COL16A1: variants seen among roughly 807,000 people sequenced by gnomAD.
COL16A1 encodes collagen type XVI alpha 1 chain.
A neutral mutation model predicts 266.3 loss-of-function variants in COL16A1; 189 were observed. That is an observed-to-expected ratio of 0.71 (90% CI 0.63 to 0.80). COL16A1 has a LOEUF of 0.80. Ranked by LOEUF, COL16A1 falls within the 30% of genes least tolerant of loss-of-function variation. COL16A1 has a pLI of 0.00. For synonymous variants in COL16A1, 740 were observed against 782.3 expected (o/e 0.95, Z 0.90); for missense variants, 1,928 against 2,122.4 (o/e 0.91, Z 1.80).
intron 37 of COL16A1, 62 bp from the exon 38 acceptor site, chr1:31,681,129 C>T (rs1643609740): frequency 1.3e-6 from 2 of 1,550,624 alleles, no homozygotes; most frequent in Admixed American, 4.1e-5. Flanking sequence ...ATCTGGCCTG[C>T]TGCAGAAAAG....
intron 51 of COL16A1, 107 bp from the exon 52 acceptor site, chr1:31,667,735 G>A (rs1414411547): frequency 1.7e-5 from 19 of 1,113,832 alleles, no homozygotes; most frequent in Non-Finnish European, 2.4e-5. Flanking sequence ...GGCTCTGGGG[G>A]AATGGCACTG....
At chr1:31,696,323 TC>T (rs796574625) in intron 8 of COL16A1, among the ~76,000 whole-genome samples, 182 bp from the exon 9 acceptor site, 15 of 136,594 alleles carry the variant, frequency 1.1e-4, no homozygotes, top group African/African-American at 2.5e-4. Context: ...TCCCCCTCCT[TC>T]CCCCCCCACC....
At chr1:31,659,232 G>A (rs60694879) in intron 62 of COL16A1, among the ~76,000 whole-genome samples, 22,997 of 152,212 alleles carry the variant, frequency 0.15, 2,990 homozygotes, top group African/African-American at 0.36. Context: ...TCTGAAAGCC[G>A]TGGCCAGAGG....
rs1642119755 is a variant in COL16A1 at position 31,666,101 on chromosome 1, G to A, written c.3358-20C>T. On this transcript the variant is annotated intron_variant, in intron 52 of 70. Transcript: ENST00000373672. ...GGGGCCCTAAGGATACAAAGGAACA[G>A]AATCAGTCACTCCTCCTGGGGAGGT... 1 of 1,605,880 alleles carries A rather than the reference G, an allele frequency of 6.2e-7. No individual in the cohort carries two copies. Among genetic ancestry groups the A allele is most frequent in the Non-Finnish European group, 8.5e-7 (1 of 1,177,888 alleles).
intron 42 of COL16A1, among the ~76,000 whole-genome samples, chr1:31,678,496 C>T (rs1292282552): frequency 1.3e-5 from 2 of 152,226 alleles, no homozygotes; most frequent in African/African-American, 4.8e-5. Context: ...AGACAAGATA[C>T]TCCATCGCTC....
In COL16A1 at chr1:31,668,519, T is replaced by G. The variant is rs1032027863; in HGVS notation, c.3249+283A>C. Among the ~76,000 whole-genome samples, 4 of 151,606 alleles carry G rather than the reference T, an allele frequency of 2.6e-5. No homozygotes were observed. The highest frequency in any genetic ancestry group is 9.7e-5 in the African/African-American group (4 of 41,198). On this transcript the variant is annotated intron_variant, in intron 50 of 70. Transcript: ENST00000373672. The surrounding 1 kb of genome is among the most constrained non-coding windows in gnomAD (Gnocchi z 5.8). Reference sequence around the variant, plus strand: ...AGAGGGGGTGGGCTGGGATGCTGAGTGACAACAGCCGAGGGAGGGAGGGGA... The same window carrying G: ...AGAGGGGGTGGGCTGGGATGCTGAGGGACAACAGCCGAGGGAGGGAGGGGA...
At chr1:31,665,729 T>A in intron 54 of COL16A1, 111 bp from the exon 55 acceptor site, 1 of 1,590,214 alleles carries the variant, frequency 6.3e-7, no homozygotes. Flanking sequence ...GGCTTTGCCC[T>A]CCCCTCTGCC....
At chr1:31,661,263 A>G in intron 60 of COL16A1, 144 bp from the exon 61 acceptor site, 1 of 1,486,812 alleles carries the variant, frequency 6.7e-7, no homozygotes, top group Admixed American at 1.9e-5. Context: ...TAGACAGAGA[A>G]GCCCTGACCC....
rs1443811311 is a variant in COL16A1 at position 31,663,889 on chromosome 1, C to T, written c.3556-1231G>A. Among the ~76,000 whole-genome samples the T allele has an allele frequency of 6.6e-6, 1 of 152,128 alleles. No homozygotes were observed. Among genetic ancestry groups the T allele is most frequent in the Non-Finnish European group, 1.5e-5 (1 of 68,030 alleles). On this transcript the variant is annotated intron_variant, in intron 56 of 70. Coordinates refer to ENST00000373672, the MANE Select transcript of COL16A1 (RefSeq NM_001856.4). The surrounding 1 kb of genome is among the most constrained non-coding windows in gnomAD (Gnocchi z 4.9). ...GCATAGCGGGGAAGGTGGCTGCATT[C>T]TCCCAGTGTGGAGAGGGTGGCTGCC...
At position 31,657,214 on chromosome 1, in the gene COL16A1, C is replaced by T. The variant is rs926396000; in HGVS notation, c.4021-146G>A. On this transcript the variant is annotated intron_variant, in intron 64 of 70. Transcript: ENST00000373672. The surrounding 1 kb of genome is among the most constrained non-coding windows in gnomAD (Gnocchi z 6.4). Reference sequence around the variant, plus strand: ...CCCTCACCCTCTGACAATCTGGGCACAGGCCGTGGAAACTTAGACCCCCAC... The same window carrying T: ...CCCTCACCCTCTGACAATCTGGGCATAGGCCGTGGAAACTTAGACCCCCAC... 2.0e-6 allele frequency: 2 copies of T among 1,012,760 alleles called. No individual in the cohort carries two copies. Among genetic ancestry groups the T allele is most frequent in the Admixed American group, 2.0e-5 (1 of 49,540 alleles). The allele number at this position is 1,012,760 out of a possible 1,614,324, so 62.7% of individuals were successfully genotyped here.
intron 20 of COL16A1, among the ~76,000 whole-genome samples, chr1:31,690,810 A>G (rs1179198515): frequency 1.3e-5 from 2 of 152,312 alleles, no homozygotes; most frequent in Non-Finnish European, 2.9e-5. Context: ...ACTGGTGCAC[A>G]GGTTAAGAGG....
chr1:31,684,095 G>A lies in COL16A1; in HGVS notation c.2283+14C>T, dbSNP rs1227634923. The A allele has an allele frequency of 6.2e-7, 1 of 1,603,264 alleles. No homozygotes were observed. The highest frequency in any genetic ancestry group is 8.5e-7 in the Non-Finnish European group (1 of 1,174,274). On this transcript the variant is annotated intron_variant, in intron 32 of 70. Coordinates refer to ENST00000373672, the MANE Select transcript of COL16A1 (RefSeq NM_001856.4). ...AAGCCCAGGCAGGGAAGGGCCGGAG[G>A]GCAGGCAACTCACGGGTTTACCAGG...
rs755914170 is a variant in COL16A1 at position 31,697,345 on chromosome 1, G to T, written c.658-45C>A. 33 of 1,543,254 alleles carry T rather than the reference G, an allele frequency of 2.1e-5. No homozygotes were observed. The highest frequency in any genetic ancestry group is 2.9e-5 in the Non-Finnish European group (33 of 1,137,286). On this transcript the variant is annotated intron_variant, in intron 6 of 70. Transcript: ENST00000373672. This position sits in a 1 kb window ranked among gnomAD's most constrained non-coding sequence, Gnocchi z 4.2. ...CAATTTCACTTCATTTTATCAAATA[G>T]CTCTGTGTCCTGGCCCCCCAGGAGG... is the stretch of plus-strand genomic sequence containing the variant.
intron 11 of COL16A1, 117 bp downstream of exon 11, chr1:31,695,069 G>A (rs1644434993): frequency 9.9e-7 from 1 of 1,012,408 alleles, no homozygotes; most frequent in Admixed American, 2.0e-5. Flanking sequence ...CAGGGAGCGA[G>A]TGTGAAAGTG....
rs543956577 is a variant in COL16A1, at chr1:31,657,281, C to T, written c.4021-213G>A. The T allele has an allele frequency of 9.9e-6, 6 of 603,812 alleles. No individual in the cohort carries two copies. Among genetic ancestry groups the T allele is most frequent in the African/African-American group, 5.5e-5 (3 of 54,206 alleles). 37.4% of individuals were successfully genotyped at this position (603,812 alleles called of 1,614,324 possible). A position where few individuals can be genotyped will look rare whatever the true frequency, so the allele number is the denominator to read the frequency against. On this transcript the variant is annotated intron_variant, in intron 64 of 70. Transcript: ENST00000373672. The surrounding 1 kb of genome is among the most constrained non-coding windows in gnomAD (Gnocchi z 6.4). The stretch of plus-strand genomic sequence containing the variant: ...ATCCCAGAGCCCCAACAGCTCCCAG[C>T]CCCCGTCTACAAGAGCTTTACAAGG...
intron 44 of COL16A1, chr1:31,673,212 G>C (rs965618900): frequency 2.9e-6 from 1 of 341,820 alleles, no homozygotes; most frequent in Non-Finnish European, 5.7e-6. Context: ...GGCTGGCTCC[G>C]AACGCCAGCT....
chr1:31,699,589 C>A (rs1305010115), intron 4 of COL16A1, among the ~76,000 whole-genome samples: 3 of 152,240 alleles, frequency 2.0e-5, no homozygotes, highest in Admixed American at 6.5e-5. Context: ...CTGTTCCCAC[C>A]CACTGCTGGC....
chr1:31,688,982 A>T lies in COL16A1; in HGVS notation c.1657-11T>A. ...CAAGCAGGGCTCCCCCTGGGGAAAG[A>T]AGAGGAAGGATCAGAAATGCTTCCA... On this transcript the variant is annotated splice_polypyrimidine_tract_variant and intron_variant, in intron 24 of 70. Coordinates refer to ENST00000373672, the MANE Select transcript of COL16A1 (RefSeq NM_001856.4). This position sits in a 1 kb window ranked among gnomAD's most constrained non-coding sequence, Gnocchi z 4.9. 6.2e-7 allele frequency: 1 copy of T among 1,614,128 alleles called. No homozygotes were observed. The highest frequency in any genetic ancestry group is 8.5e-7 in the Non-Finnish European group (1 of 1,179,990).
rs1435972738 is a variant in COL16A1 at position 31,682,917 on chromosome 1, G to A, written c.2538+17C>T. On this transcript the variant is annotated intron_variant, in intron 37 of 70. Transcript: ENST00000373672. The stretch of plus-strand genomic sequence containing the variant: ...GTTCCAGCAACACCACCAGCATGGA[G>A]CACAGAGAAGACTTACCGGAGGCCC... The A allele has an allele frequency of 4.3e-6, 7 of 1,613,892 alleles. No individual in the cohort carries two copies. Among genetic ancestry groups the A allele is most frequent in the Non-Finnish European group, 5.9e-6 (7 of 1,179,896 alleles).
Sources: gnomAD v4.1 joint callset for allele counts (sites outside exome capture counted in the v4.1 genomes callset) on GRCh38, gnomAD v4.1.1 for gene constraint, Gnocchi (gnomAD v3.1) non-coding constraint, MANE v1.5 for transcripts, NCBI Gene and HGNC (gene_info 2026-07-23, HGNC 2026-07-21) for gene names.